The following CNTN1 variants were observed in gnomAD, a reference collection of about 807,000 sequenced individuals.
CNTN1 encodes contactin-1.
In CNTN1, 38 loss-of-function variants were observed where a neutral mutation model predicts 126.4. The observed-to-expected ratio is 0.30, with a 90% confidence interval of 0.23 to 0.39. The LOEUF (loss-of-function observed/expected upper bound fraction) is 0.39. Ranked by LOEUF, CNTN1 falls within the 10% of genes least tolerant of loss-of-function variation. The probability of loss-of-function intolerance (pLI) is 1.00; values close to 1 mark genes in which losing one functional copy is unlikely to be tolerated. For synonymous variants in CNTN1, 413 were observed against 422.6 expected, an observed-to-expected ratio of 0.98 and a Z score of 0.28; for missense variants, 1,009 against 1,248.4, an observed-to-expected ratio of 0.81 and a Z score of 2.89.
intron 1 of CNTN1, among the ~76,000 whole-genome samples, chr12:40,716,671 A>G (rs971736830): frequency 6.6e-6 from 1 of 152,202 alleles, no homozygotes; most frequent in Non-Finnish European, 1.5e-5. Flanking sequence ...GATAGTTTAG[A>G]TTGAGAATTT....
At chr12:40,796,800 TA>T (rs1263618902) in intron 1 of CNTN1, among the ~76,000 whole-genome samples, 6 of 152,010 alleles carry the variant, frequency 3.9e-5, no homozygotes, top group Non-Finnish European at 8.8e-5. Context: ...TAACACCACA[TA>T]GACCAAAAAG....
chr12:40,817,820 T>A (rs1941309301), intron 1 of CNTN1, among the ~76,000 whole-genome samples: 1 of 152,176 alleles, frequency 6.6e-6, no homozygotes, highest in South Asian at 2.1e-4. Flanking sequence ...TTCCTTTTAG[T>A]ATTTAATGCT....
chr12:40,905,075 G>C (rs1944760574), intron 1 of CNTN1, among the ~76,000 whole-genome samples: 2 of 152,210 alleles, frequency 1.3e-5, no homozygotes, highest in African/African-American at 4.8e-5. Flanking sequence ...GCTAAAGAAT[G>C]GTTGAGCCAA....
chr12:40,894,249 A>G (rs1944330954), intron 1 of CNTN1, among the ~76,000 whole-genome samples: 1 of 152,114 alleles, frequency 6.6e-6, no homozygotes. Context: ...ACATACCTAC[A>G]TTGCAAGTGA....
At chr12:40,800,782 A>G (rs1025582801) in intron 1 of CNTN1, among the ~76,000 whole-genome samples, 7 of 152,030 alleles carry the variant, frequency 4.6e-5, no homozygotes, top group Non-Finnish European at 8.8e-5. Context: ...GCTGAGGAGA[A>G]TCTCCCTGGA....
At chr12:40,906,629 C>CACT (rs1776797680) in intron 1 of CNTN1, among the ~76,000 whole-genome samples, 1 of 150,080 alleles carries the variant, frequency 6.7e-6, no homozygotes, top group Non-Finnish European at 1.5e-5. Context: ...ATACGTTGAA[C>CACT]ACTACAACAT....
At chr12:41,021,191 T>C (rs1948898814) in intron 20 of CNTN1, among the ~76,000 whole-genome samples, 1 of 152,242 alleles carries the variant, frequency 6.6e-6, no homozygotes, top group South Asian at 2.1e-4. Flanking sequence ...CAAAGAGATT[T>C]GACAACTTGC....
intron 23 of CNTN1, among the ~76,000 whole-genome samples, chr12:41,064,412 T>A (rs1320719030): frequency 6.6e-6 from 1 of 152,226 alleles, no homozygotes; most frequent in Non-Finnish European, 1.5e-5. Context: ...TGCCATTGTT[T>A]GCTTTATTTT....
intron 1 of CNTN1, among the ~76,000 whole-genome samples, chr12:40,822,769 AC>A (rs1941493234): frequency 6.6e-6 from 1 of 152,148 alleles, no homozygotes; most frequent in African/African-American, 2.4e-5. Context: ...TTATTTTAGA[AC>A]CAGGGGCTAC....
chr12:40,947,224 T>C (rs1360717031), intron 14 of CNTN1, among the ~76,000 whole-genome samples: 1 of 152,080 alleles, frequency 6.6e-6, no homozygotes, highest in Non-Finnish European at 1.5e-5. Flanking sequence ...CTGAGTATTA[T>C]ATTAATATGT....
intron 1 of CNTN1, among the ~76,000 whole-genome samples, chr12:40,845,792 C>T (rs1358961524): frequency 2.0e-5 from 3 of 152,180 alleles, no homozygotes; most frequent in Non-Finnish European, 2.9e-5. Context: ...AGCTCTGCAC[C>T]ACTCCCCAAC....
At chr12:40,762,557 C>T (rs1264084290) in intron 1 of CNTN1, among the ~76,000 whole-genome samples, 1 of 151,502 alleles carries the variant, frequency 6.6e-6, no homozygotes, top group Non-Finnish European at 1.5e-5. Flanking sequence ...AGCATAAGTT[C>T]AAAACAAAAA....
At chr12:40,769,597 A>G (rs1939255846) in intron 1 of CNTN1, among the ~76,000 whole-genome samples, 1 of 152,202 alleles carries the variant, frequency 6.6e-6, no homozygotes, top group Admixed American at 6.5e-5. Flanking sequence ...GGGCTTATTT[A>G]GTTAGATACA....
At chr12:40,972,616 T>C in intron 15 of CNTN1, 2 of 877,454 alleles carry the variant, frequency 2.3e-6, no homozygotes, top group South Asian at 1.0e-4. Context: ...AATAAATGTC[T>C]CTGGCTCAAG....
chr12:41,005,862 G>A (rs35394094), intron 17 of CNTN1, among the ~76,000 whole-genome samples: 1 of 152,080 alleles, frequency 6.6e-6, no homozygotes, highest in Non-Finnish European at 1.5e-5. Flanking sequence ...TTGGGTTACA[G>A]TATACTGCTC....
chr12:40,846,593 C>T (rs1425434171), intron 1 of CNTN1, among the ~76,000 whole-genome samples: 1 of 152,218 alleles, frequency 6.6e-6, no homozygotes, highest in Non-Finnish European at 1.5e-5. Context: ...AACAATGCTC[C>T]TGCTCATTCA....
intron 1 of CNTN1, among the ~76,000 whole-genome samples, chr12:40,699,079 C>CCCATGATAA (rs113378954): frequency 6.6e-6 from 1 of 151,612 alleles, no homozygotes; most frequent in Non-Finnish European, 1.5e-5. Context: ...AATTTTGACT[C>CCCATGATAA]CCTGTGGATA....
At chr12:40,886,254 G>C (rs1407244147) in intron 1 of CNTN1, among the ~76,000 whole-genome samples, 1 of 152,022 alleles carries the variant, frequency 6.6e-6, no homozygotes, top group Non-Finnish European at 1.5e-5. Flanking sequence ...TATGGTAGAA[G>C]ACACTGGGAT....
chr12:40,885,692 T>G (rs146943786), intron 1 of CNTN1, among the ~76,000 whole-genome samples: 1 of 152,066 alleles, frequency 6.6e-6, no homozygotes, highest in Non-Finnish European at 1.5e-5. Flanking sequence ...TGTTCCAAAA[T>G]AGTCTTAATG....
Sources: allele counts gnomAD v4.1 joint callset (sites outside exome capture counted in the v4.1 genomes callset), GRCh38; gene constraint gnomAD v4.1.1; transcripts MANE v1.5; gene names NCBI Gene and HGNC (gene_info 2026-07-23, HGNC 2026-07-21).